The following UNC13C variants were observed in gnomAD, a reference collection of about 807,000 sequenced individuals.
UNC13C encodes unc-13 homolog C.
In UNC13C, 174 loss-of-function variants were observed where a neutral mutation model predicts 245.4. That is an observed-to-expected ratio of 0.71 (90% CI 0.63 to 0.80). The LOEUF is 0.80. Among genes scored for constraint, UNC13C ranks in the 30% least tolerant of loss-of-function variants. The pLI, the probability that UNC13C is intolerant of heterozygous loss-of-function variation, is 0.00. For missense variants in UNC13C, 2,829 were observed against 2,602.9 expected, an observed-to-expected ratio of 1.09 and a Z score of -1.89; for synonymous variants, 992 against 895.1, an observed-to-expected ratio of 1.11 and a Z score of -1.93.
intron 22 of UNC13C, among the ~76,000 whole-genome samples, chr15:54,502,769 T>C (rs1894285101): frequency 1.3e-5 from 2 of 152,098 alleles, no homozygotes; most frequent in Admixed American, 1.3e-4. Flanking sequence ...CATATGATAA[T>C]TGTACCTGAT....
At chr15:54,308,282 A>C (rs2037778169) in intron 13 of UNC13C, among the ~76,000 whole-genome samples, 1 of 151,904 alleles carries the variant, frequency 6.6e-6, no homozygotes, top group Non-Finnish European at 1.5e-5. Flanking sequence ...TTAGACCAAT[A>C]ATATTTTGAC....
chr15:54,474,308 C>A (rs562255067), intron 19 of UNC13C, among the ~76,000 whole-genome samples: 188 of 151,992 alleles, frequency 1.2e-3, no homozygotes, highest in African/African-American at 4.2e-3. Flanking sequence ...TGTAAGAGTT[C>A]TTTTTTCTCT....
chr15:54,276,603 G>A (rs997108043), intron 10 of UNC13C, among the ~76,000 whole-genome samples: 8 of 152,024 alleles, frequency 5.3e-5, no homozygotes. Flanking sequence ...TTGTGAAATT[G>A]TAGATAGTAT....
Position 54,012,880 on chromosome 15 carries a change from A to G in UNC13C, c.-24A>G. On this transcript the variant is annotated 5_prime_UTR_variant, in exon 2 of 33. Coordinates refer to ENST00000260323, the MANE Select transcript of UNC13C (RefSeq NM_001080534.3). ...ATACTTGTTTACTTTTCTGGGGCAG[A>G]AAAGCTTGCACTAATTGCTCTCCAT... 6.5e-7 allele frequency: 1 copy of G among 1,537,630 alleles called. No homozygotes were observed. Among genetic ancestry groups the G allele is most frequent in the South Asian group, 1.3e-5 (1 of 79,120 alleles).
rs546917433 is a variant in UNC13C, at chr15:54,395,135, A to G, written c.4847+1954A>G. ...TATTGTGTTTGGTCAGATTTTAAGGATGCTGTAAAACTTTTTTTCACATAC... is the reference window on the plus strand; with the variant it reads ...TATTGTGTTTGGTCAGATTTTAAGGGTGCTGTAAAACTTTTTTTCACATAC... On this transcript the variant is annotated intron_variant, in intron 18 of 32. Coordinates refer to ENST00000260323, the MANE Select transcript of UNC13C (RefSeq NM_001080534.3). Among the ~76,000 whole-genome samples the G allele has an allele frequency of 3.3e-5, 5 of 151,722 alleles. No individual in the cohort carries two copies. In the South Asian group the frequency reaches 1.0e-3, roughly 31 times the overall value.
intron 7 of UNC13C, among the ~76,000 whole-genome samples, chr15:54,246,710 A>T (rs1232448806): frequency 6.9e-6 from 1 of 144,288 alleles, no homozygotes; most frequent in African/African-American, 2.5e-5. Flanking sequence ...ATGAGAACAC[A>T]TGGACACCTA....
In UNC13C at chr15:54,152,086, A is replaced by G. The variant is rs558012875; in HGVS notation, c.3071+8402A>G. 2.6e-5 allele frequency among the ~76,000 whole-genome samples: 4 copies of G among 152,326 alleles called. No homozygotes were observed. In the South Asian group the frequency reaches 8.3e-4, roughly 32 times the overall value. ...AAGTTTCATCACACACCCAACTCCCAAAGGCAGTCTTTTCTCAATTAGAAA... is the reference window on the plus strand; with the variant it reads ...AAGTTTCATCACACACCCAACTCCCGAAGGCAGTCTTTTCTCAATTAGAAA... On this transcript the variant is annotated intron_variant, in intron 4 of 32. Transcript: ENST00000260323.
chr15:54,207,546 A>G (rs1444302109), intron 4 of UNC13C, among the ~76,000 whole-genome samples: 1 of 152,046 alleles, frequency 6.6e-6, no homozygotes, highest in East Asian at 1.9e-4. Context: ...GCATTTTACA[A>G]TTAAGTTTTT....
intron 2 of UNC13C, among the ~76,000 whole-genome samples, chr15:54,109,034 G>C (rs964703169): frequency 1.3e-5 from 2 of 152,022 alleles, no homozygotes; most frequent in Non-Finnish European, 2.9e-5. Flanking sequence ...TGGGATTCCT[G>C]TACTCACTAC....
chr15:54,445,176 C>T (rs942703864), intron 19 of UNC13C, among the ~76,000 whole-genome samples: 15 of 152,096 alleles, frequency 9.9e-5, no homozygotes, highest in Admixed American at 2.6e-4. Context: ...TAGTATTCCA[C>T]GGTGTATATG....
At chr15:54,548,193 GTTTTGTTTC>G (rs1896572315) in intron 27 of UNC13C, among the ~76,000 whole-genome samples, 1 of 75,428 alleles carries the variant, frequency 1.3e-5, no homozygotes, top group Non-Finnish European at 3.3e-5. Flanking sequence ...TGTTGTTGTT[GTTTTGTTTC>G]TTTTGCTTTT....
intron 2 of UNC13C, among the ~76,000 whole-genome samples, chr15:54,080,746 T>C (rs1290366791): frequency 6.6e-6 from 1 of 152,126 alleles, no homozygotes; most frequent in African/African-American, 2.4e-5. Context: ...ATGTCAGTTT[T>C]GTTTATCCTT....
the UNC13C span, among the ~76,000 whole-genome samples, chr15:53,953,916 G>T: frequency 2.6e-5 from 4 of 152,230 alleles, no homozygotes; most frequent in Admixed American, 2.0e-4. Context: ...TAGATGCTAC[G>T]TGCAGTTGGC....
intron 19 of UNC13C, among the ~76,000 whole-genome samples, chr15:54,479,174 T>G (rs1295508390): frequency 3.9e-5 from 6 of 152,018 alleles, no homozygotes; most frequent in Non-Finnish European, 8.8e-5. Context: ...ATCACGGGGA[T>G]TATTGAAATC....
intron 2 of UNC13C, among the ~76,000 whole-genome samples, chr15:54,132,074 C>CTGTTTTTCTT: frequency 9.0e-6 from 1 of 110,670 alleles, no homozygotes; most frequent in East Asian, 2.7e-4. Flanking sequence ...TTTTCTTTTT[C>CTGTTTTTCTT]TTTTTTTTTT....
chr15:54,550,305 A>T (rs897716201), intron 28 of UNC13C, among the ~76,000 whole-genome samples: 6 of 152,162 alleles, frequency 3.9e-5, no homozygotes, highest in African/African-American at 1.4e-4. Flanking sequence ...GGGCCAAAGT[A>T]TTTAACCTCC....
chr15:54,625,418 T>G (rs1175748227), intron 32 of UNC13C, among the ~76,000 whole-genome samples: 1 of 152,048 alleles, frequency 6.6e-6, no homozygotes, highest in African/African-American at 2.4e-5. Flanking sequence ...GATCCCTAAG[T>G]TTTTGGCATG....
intron 13 of UNC13C, among the ~76,000 whole-genome samples, chr15:54,310,093 C>T (rs1351481203): frequency 6.8e-6 from 1 of 147,450 alleles, no homozygotes; most frequent in Non-Finnish European, 1.5e-5. Context: ...ACTTTTTGAC[C>T]TTTTTTTTTT....
At chr15:54,075,449 C>CCT (rs71132775) in intron 2 of UNC13C, among the ~76,000 whole-genome samples, 1 of 144,132 alleles carries the variant, frequency 6.9e-6, no homozygotes, top group Non-Finnish European at 1.5e-5. Context: ...TGCAGTGAGC[C>CCT]GGAGCTTGCA....
Sources: allele counts gnomAD v4.1 joint callset (sites outside exome capture counted in the v4.1 genomes callset), GRCh38; gene constraint gnomAD v4.1.1; transcripts MANE v1.5; gene names NCBI Gene and HGNC (gene_info 2026-07-23, HGNC 2026-07-21).